The following FBLN1 variants were observed in gnomAD, a reference collection of about 807,000 sequenced individuals.
FBLN1 encodes the protein fibulin 1, also known as fibulin-1.
Under a neutral mutation model 89.7 loss-of-function variants are expected in FBLN1, and 34 were observed. The ratio of observed to expected loss-of-function variants is 0.38; its 90% CI spans 0.29 to 0.50. The LOEUF (loss-of-function observed/expected upper bound fraction) is 0.50, where lower values mean the gene tolerates loss of function less well. FBLN1 is among the 20% of genes least tolerant of loss of function. The pLI is 0.92. For missense variants in FBLN1, 777 were observed against 988.1 expected, an observed-to-expected ratio of 0.79 and a Z score of 2.86; for synonymous variants, 393 against 391.3, an observed-to-expected ratio of 1.00 and a Z score of -0.05.
chr22:45,519,673 C>A (rs555817679), intron 2 of FBLN1, among the ~76,000 whole-genome samples: 150 of 150,250 alleles, frequency 1.0e-3, no homozygotes, highest in Middle Eastern at 3.4e-3. Context: ...TCATGCTGAT[C>A]ATCATCATAA....
chr22:45,513,426 C>G (rs1473818266), intron 1 of FBLN1, among the ~76,000 whole-genome samples: 1 of 151,820 alleles, frequency 6.6e-6, no homozygotes, highest in Non-Finnish European at 1.5e-5. Flanking sequence ...TGCCTCTCAG[C>G]CTCCTGAGTA....
rs1042435591 is a variant in FBLN1, at chr22:45,577,174, G to A, written c.1972+66G>A. On this transcript the variant is annotated intron_variant, in intron 16 of 16. Coordinates refer to ENST00000327858, the MANE Select transcript of FBLN1 (RefSeq NM_006486.3). The surrounding 1 kb of genome is among the most constrained non-coding windows in gnomAD (Gnocchi z 6.6). ...CCCCTCCACCCCGAAACCCTCTCTG[G>A]CCCAGCCCAACTCCCATCTGAGTCC... is the stretch of plus-strand genomic sequence containing the variant. 6.3e-7 allele frequency: 1 copy of A among 1,583,122 alleles called. No homozygotes were observed. Among genetic ancestry groups the A allele is most frequent in the Admixed American group, 1.7e-5 (1 of 59,532 alleles).
At chr22:45,568,615 T>A (rs904213659) in intron 14 of FBLN1, among the ~76,000 whole-genome samples, 1 of 126,032 alleles carries the variant, frequency 7.9e-6, no homozygotes, top group African/African-American at 3.0e-5. Flanking sequence ...TGTAAGGGAA[T>A]GCTCCTCCTG....
chr22:45,552,422 C>T (rs183821629), intron 14 of FBLN1, among the ~76,000 whole-genome samples: 1 of 152,350 alleles, frequency 6.6e-6, no homozygotes, highest in South Asian at 2.1e-4. Flanking sequence ...ACTCCCGGGA[C>T]TGATAGTGAG....
intron 2 of FBLN1, among the ~76,000 whole-genome samples, chr22:45,519,349 G>C (rs184580211): frequency 2.0e-5 from 3 of 152,094 alleles, no homozygotes; most frequent in Non-Finnish European, 4.4e-5. Flanking sequence ...AGCCGGGCGC[G>C]GTGGCTCACG....
Position 45,563,509 on chromosome 22 carries a change from C to G in FBLN1, c.1698-11002C>G, listed in dbSNP as rs2088874864. On this transcript the variant is annotated intron_variant, in intron 14 of 16. Transcript: ENST00000327858. The surrounding 1 kb of genome is among the most constrained non-coding windows in gnomAD (Gnocchi z 5.7). ...CTAGAGGGTGTGTGCTCGGGGGTCC[C>G]TGTTCACAGAGCCCACTGTCTGTGC... is the stretch of plus-strand genomic sequence containing the variant. 1.3e-6 allele frequency: 1 copy of G among 766,642 alleles called. No homozygotes were observed. Among genetic ancestry groups the G allele is most frequent in the Admixed American group, 3.0e-5 (1 of 33,576 alleles). 47.5% of individuals were successfully genotyped at this position (766,642 alleles called of 1,614,324 possible).
intron 1 of FBLN1, among the ~76,000 whole-genome samples, chr22:45,504,489 G>A (rs1211634874): frequency 6.6e-6 from 1 of 152,136 alleles, no homozygotes; most frequent in African/African-American, 2.4e-5. Flanking sequence ...GCAGCAGGCC[G>A]GGTGGCTGCC....
intron 14 of FBLN1, chr22:45,551,011 C>T (rs975173394): frequency 6.2e-6 from 2 of 320,564 alleles, no homozygotes; most frequent in African/African-American, 2.1e-5. Context: ...CCATGTCAGC[C>T]CAAAGCCAGG....
intron 14 of FBLN1, chr22:45,565,527 C>T: frequency 3.5e-6 from 1 of 283,304 alleles, no homozygotes; most frequent in Non-Finnish European, 6.9e-6. Context: ...GCCCCAGGTG[C>T]CTCCATCAGA....
rs375196311 is a variant in FBLN1, at chr22:45,547,100, G to T, written c.1337G>T (p.Ser446Ile). ...TGTATTTCAGACATCAATGAGTGCA[G>T]CAGCAGCCCCTGTAGCCAGGAGTGT... ...GRSCEDINECSSSPCSQECAN... is the reference protein window; with the variant it reads ...GRSCEDINECISSPCSQECAN... The change falls in exon 12 of 17, where the codon AGC becomes ATC. Residue 446 changes from serine to isoleucine, a missense_variant. Ser to Ile is a moderately radical substitution (Grantham distance 142). Transcript: ENST00000327858. The T allele has an allele frequency of 1.9e-6, 3 of 1,614,030 alleles. No individual in the cohort carries two copies. The African/African-American group carries it at 4.0e-5, about 22-fold the overall frequency.
chr22:45,582,432 G>A (rs531244887), intron 16 of FBLN1, among the ~76,000 whole-genome samples: 8 of 152,290 alleles, frequency 5.3e-5, no homozygotes, highest in Admixed American at 2.0e-4. Context: ...ACCATGCTGC[G>A]GAATGGCGAG....
At chr22:45,568,733 CCTGTAGGGGACTT>C (rs2088924943) in intron 14 of FBLN1, among the ~76,000 whole-genome samples, 5 of 73,846 alleles carry the variant, frequency 6.8e-5, no homozygotes, top group African/African-American at 2.0e-4. Context: ...GGAGAATGCT[CCTGTAGGGGACTT>C]CTGTAGGGGA....
chr22:45,565,757 C>A, intron 14 of FBLN1: 1 of 159,204 alleles, frequency 6.3e-6, no homozygotes, highest in Non-Finnish European at 1.4e-5. Context: ...ATTTTTAAGG[C>A]TTAGTTCAAA....
intron 16 of FBLN1, among the ~76,000 whole-genome samples, chr22:45,591,946 CAGA>C (rs2089140903): frequency 7.4e-6 from 1 of 135,548 alleles, no homozygotes; most frequent in Admixed American, 7.5e-5. Flanking sequence ...CGCCATTTTG[CAGA>C]CAGGAGGGAG....
chr22:45,553,525 T>C (rs73442939), intron 14 of FBLN1, among the ~76,000 whole-genome samples: 2,452 of 152,354 alleles, frequency 0.016, 68 homozygotes, highest in African/African-American at 0.054. Flanking sequence ...CAGACAGTTA[T>C]GTTTCTGGTG....
At chr22:45,570,685 C>G (rs542354282) in intron 14 of FBLN1, among the ~76,000 whole-genome samples, 104 of 152,258 alleles carry the variant, frequency 6.8e-4, no homozygotes, top group African/African-American at 2.4e-3. Context: ...GGGGAAAGTA[C>G]TATACATGAT....
rs751548127 is a variant in FBLN1, at chr22:45,574,673, G to A, written c.1840+20G>A. The A allele has an allele frequency of 6.2e-7, 1 of 1,610,762 alleles. No individual in the cohort carries two copies. The highest frequency in any genetic ancestry group is 2.2e-5 in the East Asian group (1 of 44,712). ...CTGAAGGTGAGTGGGATGGGTGTGG[G>A]GGTCCCAGGGCCCCCTAGGGCCTCC... On this transcript the variant is annotated intron_variant, in intron 15 of 16. Coordinates refer to ENST00000327858, the MANE Select transcript of FBLN1 (RefSeq NM_006486.3). The surrounding 1 kb of genome is among the most constrained non-coding windows in gnomAD (Gnocchi z 4.1).
Position 45,561,515 on chromosome 22 carries a change from A to G in FBLN1, c.1697+10900A>G, listed in dbSNP as rs1396889339. 6.6e-6 allele frequency among the ~76,000 whole-genome samples: 1 copy of G among 152,214 alleles called. No individual in the cohort carries two copies. The highest frequency in any genetic ancestry group is 2.4e-5 in the African/African-American group (1 of 41,450). ...ATGCGTTTATTTTTCATAACTCTCT[A>G]AACAGTTCATGCCAAGGACTATCAG... On this transcript the variant is annotated intron_variant, in intron 14 of 16. Coordinates refer to ENST00000327858, the MANE Select transcript of FBLN1 (RefSeq NM_006486.3). This position sits in a 1 kb window ranked among gnomAD's most constrained non-coding sequence, Gnocchi z 4.7.
In FBLN1 at chr22:45,561,874, C is replaced by T. The variant is rs1423536965; in HGVS notation, c.1697+11259C>T. Among the ~76,000 whole-genome samples, 2 of 152,162 alleles carry T rather than the reference C, an allele frequency of 1.3e-5. No homozygotes were observed. The highest frequency in any genetic ancestry group is 4.8e-5 in the African/African-American group (2 of 41,422). On this transcript the variant is annotated intron_variant, in intron 14 of 16. Coordinates refer to ENST00000327858, the MANE Select transcript of FBLN1 (RefSeq NM_006486.3). The surrounding 1 kb of genome is among the most constrained non-coding windows in gnomAD (Gnocchi z 4.7). ...TCCGATGTTCAAGGGCAGGAAGCAT[C>T]CAGCACAGGAGAAAGATGTAGGCTG...
Sources: gnomAD v4.1 joint callset for allele counts (sites outside exome capture counted in the v4.1 genomes callset) on GRCh38, gnomAD v4.1.1 for gene constraint, Gnocchi (gnomAD v3.1) non-coding constraint, MANE v1.5 for transcripts, NCBI Gene and HGNC (gene_info 2026-07-23, HGNC 2026-07-21) for gene names.